Variants in SRGAP1 observed in about 807,000 individuals in gnomAD.
SRGAP1 encodes SLIT-ROBO Rho GTPase activating protein 1.
In SRGAP1, 43 loss-of-function variants were observed where a neutral mutation model predicts 121.9. The observed-to-expected ratio is 0.35, with a 90% CI of 0.28 to 0.46. The LOEUF is 0.46. Ranked by LOEUF, SRGAP1 falls within the 20% of genes least tolerant of loss-of-function variation. The pLI is 1.00. For missense variants in SRGAP1, 1,102 were observed against 1,350.9 expected (o/e 0.82, Z 2.89); for synonymous variants, 447 against 485.4 (o/e 0.92, Z 1.04).
At position 64,147,538 on chromosome 12, in the gene SRGAP1, AC is replaced by A; in HGVS notation, c.*4870del. The A allele has an allele frequency of 5.0e-6, 2 of 397,384 alleles. No individual in the cohort carries two copies. Among genetic ancestry groups the A allele is most frequent in the Non-Finnish European group, 8.9e-6 (2 of 225,984 alleles). The allele number at this position is 397,384 out of a possible 1,614,324, so 24.6% of individuals were successfully genotyped here. On this transcript the variant is annotated 3_prime_UTR_variant, in exon 22 of 22. Coordinates refer to ENST00000355086, the MANE Select transcript of SRGAP1 (RefSeq NM_020762.4). The stretch of plus-strand genomic sequence containing the variant: ...TTGTAGACGTGATTGTGCCTTTCTC[AC>A]CCCTGTGTCCTCCCATCCCACCGCA...
chr12:64,029,317 A>G (rs1593059090), intron 4 of SRGAP1, among the ~76,000 whole-genome samples: 1 of 152,312 alleles, frequency 6.6e-6, no homozygotes, highest in South Asian at 2.1e-4. Flanking sequence ...CTGCTCTGAA[A>G]TTGTTATAGG....
In SRGAP1 at chr12:63,933,507, GAACA is replaced by G. The variant is rs557035828; in HGVS notation, c.68-50429_68-50426del. On this transcript the variant is annotated intron_variant, in intron 1 of 21. Coordinates refer to ENST00000355086, the MANE Select transcript of SRGAP1 (RefSeq NM_020762.4). ...TAGCTGAGATTTAGAAGCATACCAA[GAACA>G]AACAAACAAAAAACCTACACACAAA... is the stretch of plus-strand genomic sequence containing the variant. Among the ~76,000 whole-genome samples the G allele has an allele frequency of 2.3e-3, 343 of 152,070 alleles. 4 individuals carry two copies. The highest frequency in any genetic ancestry group is 7.5e-3 in the African/African-American group (313 of 41,498).
At chr12:64,011,833 G>T (rs2034260718) in intron 3 of SRGAP1, among the ~76,000 whole-genome samples, 1 of 152,064 alleles carries the variant, frequency 6.6e-6, no homozygotes, top group Non-Finnish European at 1.5e-5. Flanking sequence ...TCATAATGGT[G>T]GGCCAAGTGC....
chr12:64,137,410 G>C (rs898420235), intron 21 of SRGAP1, among the ~76,000 whole-genome samples: 2 of 151,948 alleles, frequency 1.3e-5, no homozygotes, highest in African/African-American at 4.8e-5. Context: ...GTAATAACTT[G>C]AAAAGTGATG....
Position 64,063,057 on chromosome 12 carries a change from T to A in SRGAP1, c.942T>A (p.Asp314Glu). The change falls in exon 7 of 22, where the codon GAT becomes GAA. Residue 314 changes from aspartate to glutamate, a missense_variant. Asp to Glu is a conservative substitution (Grantham distance 45). This residue lies in a region of SRGAP1 where 747 missense variants were observed against 929.4 expected (regional missense o/e 0.80). Transcript: ENST00000355086. ...NAVDNLEPRS[D>E]KQRFMEMYPA... is the part of the protein sequence containing the mutation. ...TTGATAATTTAGAGCCCAGGAGCGA[T>A]AAGCAGAGATTCATGGAGATGTACC... is the stretch of plus-strand genomic sequence containing the variant. 1.2e-6 allele frequency: 2 copies of A among 1,614,134 alleles called. No homozygotes were observed. The highest frequency in any genetic ancestry group is 1.7e-6 in the Non-Finnish European group (2 of 1,179,998).
chr12:64,054,338 T>A (rs2035297759), intron 6 of SRGAP1, among the ~76,000 whole-genome samples: 1 of 152,230 alleles, frequency 6.6e-6, no homozygotes, highest in Non-Finnish European at 1.5e-5. Context: ...TTAGATTACA[T>A]CATATATTGC....
chr12:64,027,508 C>A (rs983182640), intron 4 of SRGAP1, among the ~76,000 whole-genome samples: 1 of 152,016 alleles, frequency 6.6e-6, no homozygotes, highest in African/African-American at 2.4e-5. Context: ...GGAAAGGCAT[C>A]TGAGGAAAAG....
At chr12:63,849,443 A>G (rs536841438) in intron 1 of SRGAP1, among the ~76,000 whole-genome samples, 22 of 152,382 alleles carry the variant, frequency 1.4e-4, no homozygotes, top group African/African-American at 4.8e-4. Context: ...GCTAGTTGCT[A>G]AGAATTGACA....
At position 64,052,176 on chromosome 12, in the gene SRGAP1, ATATTGAATTATGTC is replaced by A. The variant is rs2035249604; in HGVS notation, c.801+8605_801+8618del. ...GGTTGGACACTTGTGGGTACTCCAG[ATATTGAATTATGTC>A]TATGGAGAAGGGAAGGAACTGTGAC... On this transcript the variant is annotated intron_variant, in intron 6 of 21. Coordinates refer to ENST00000355086, the MANE Select transcript of SRGAP1 (RefSeq NM_020762.4). Among the ~76,000 whole-genome samples, 5 of 152,258 alleles carry A rather than the reference ATATTGAATTATGTC, an allele frequency of 3.3e-5. No homozygotes were observed. In the South Asian group the frequency reaches 1.0e-3, roughly 32 times the overall value.
At chr12:63,957,703 G>A (rs551843121) in intron 1 of SRGAP1, among the ~76,000 whole-genome samples, 88 of 152,238 alleles carry the variant, frequency 5.8e-4, no homozygotes, top group Non-Finnish European at 1.1e-3. Context: ...TGAAACATAC[G>A]GGCCGATAGA....
At chr12:64,018,508 T>G (rs1245324249) in intron 4 of SRGAP1, among the ~76,000 whole-genome samples, 1 of 152,222 alleles carries the variant, frequency 6.6e-6, no homozygotes, top group Non-Finnish European at 1.5e-5. Context: ...TAAATTAAAT[T>G]TTTAATGCTC....
At chr12:64,112,590 T>A (rs189677882) in intron 17 of SRGAP1, among the ~76,000 whole-genome samples, 36 of 152,348 alleles carry the variant, frequency 2.4e-4, no homozygotes, top group African/African-American at 7.0e-4. Context: ...TGAATAATAT[T>A]CCATTGTGTA....
chr12:64,143,107 A>G lies in SRGAP1; in HGVS notation c.*435A>G, dbSNP rs141876417. Reference sequence around the variant, plus strand: ...ACTTGGGCTGAAAGGTGATAATGGCATTGCGTGGTAGCTGACAATGAGCAC... The same window carrying G: ...ACTTGGGCTGAAAGGTGATAATGGCGTTGCGTGGTAGCTGACAATGAGCAC... On this transcript the variant is annotated 3_prime_UTR_variant, in exon 22 of 22. Transcript: ENST00000355086. 2.2e-3 allele frequency: 380 copies of G among 169,242 alleles called. No individual in the cohort carries two copies. Among genetic ancestry groups the G allele is most frequent in the Non-Finnish European group, 4.2e-3 (323 of 76,992 alleles). The allele number at this position is 169,242 out of a possible 1,614,324, so 10.5% of individuals were successfully genotyped here.
At chr12:63,848,817 C>T (rs1360781550) in intron 1 of SRGAP1, among the ~76,000 whole-genome samples, 2 of 152,124 alleles carry the variant, frequency 1.3e-5, no homozygotes, top group Non-Finnish European at 2.9e-5. Flanking sequence ...GTTGGCTGCT[C>T]TGTTTTGTGG....
At chr12:63,985,011 A>T (rs1222547914) in intron 2 of SRGAP1, among the ~76,000 whole-genome samples, 2 of 115,936 alleles carry the variant, frequency 1.7e-5, no homozygotes, top group African/African-American at 6.3e-5. Context: ...GTGAGAGTCC[A>T]TCTCAAAAAA....
chr12:63,871,788 A>C, intron 1 of SRGAP1: 2 of 1,305,082 alleles, frequency 1.5e-6, no homozygotes, highest in African/African-American at 1.4e-5. Flanking sequence ...TCCCAGTTCA[A>C]AATGCTTGCA....
intron 8 of SRGAP1, among the ~76,000 whole-genome samples, chr12:64,068,211 T>G (rs2035573700): frequency 7.1e-6 from 1 of 141,606 alleles, no homozygotes; most frequent in Non-Finnish European, 1.5e-5. Context: ...CCCGGGAGAT[T>G]GCAGTGAACC....
chr12:64,090,782 G>A (rs1031293086), intron 11 of SRGAP1, among the ~76,000 whole-genome samples: 2 of 152,182 alleles, frequency 1.3e-5, no homozygotes, highest in African/African-American at 4.8e-5. Context: ...GGAGGCTGCA[G>A]TGAGCCATGA....
intron 1 of SRGAP1, among the ~76,000 whole-genome samples, chr12:63,905,668 G>A (rs922661874): frequency 1.3e-5 from 2 of 152,206 alleles, no homozygotes; most frequent in Admixed American, 1.3e-4. Context: ...ATGAACAGAA[G>A]TAAGAAATAG....
Sources: allele counts gnomAD v4.1 joint callset (sites outside exome capture counted in the v4.1 genomes callset), GRCh38; gene constraint gnomAD v4.1.1; regional missense constraint gnomAD v4.1.1; transcripts MANE v1.5; gene names NCBI Gene and HGNC (gene_info 2026-07-23, HGNC 2026-07-21).